HUNK: variants seen among roughly 807,000 people sequenced by gnomAD.
HUNK encodes the protein hormonally up-regulated Neu-associated kinase.
A neutral mutation model predicts 61.0 loss-of-function variants in HUNK; 21 were observed. The ratio of observed to expected loss-of-function variants is 0.34; its 90% CI spans 0.24 to 0.50. The LOEUF (loss-of-function observed/expected upper bound fraction) is 0.50, where lower values mean the gene tolerates loss of function less well. Among genes scored for constraint, HUNK ranks in the 20% least tolerant of loss-of-function variants. HUNK has a pLI of 0.98. For missense variants in HUNK, 772 were observed against 945.7 expected (o/e 0.82, Z 2.41); for synonymous variants, 371 against 386.1 (o/e 0.96, Z 0.46).
chr21:31,948,269 T>G (rs1484776795), intron 4 of HUNK, among the ~76,000 whole-genome samples: 1 of 152,252 alleles, frequency 6.6e-6, no homozygotes, highest in East Asian at 1.9e-4. Context: ...ATTCTCTGGC[T>G]AACCTGGCAT....
At chr21:31,907,998 A>T (rs1356599309) in intron 1 of HUNK, among the ~76,000 whole-genome samples, 3 of 152,160 alleles carry the variant, frequency 2.0e-5, no homozygotes, top group Non-Finnish European at 4.4e-5. Flanking sequence ...CTCAAAAGAA[A>T]AAAAAAATGG....
intron 2 of HUNK, among the ~76,000 whole-genome samples, chr21:31,926,075 C>T (rs146021209): frequency 0.01 from 1,573 of 152,274 alleles, 21 homozygotes; most frequent in African/African-American, 0.036. Flanking sequence ...TGTGCCACAA[C>T]GCCCGGCTAA....
intron 8 of HUNK, among the ~76,000 whole-genome samples, chr21:31,985,633 G>A (rs898761246): frequency 2.6e-5 from 4 of 152,220 alleles, no homozygotes; most frequent in African/African-American, 4.8e-5. Flanking sequence ...CAGGGGGCGG[G>A]GCAGCCAGAA....
rs1349105042 is a variant in HUNK, at chr21:31,999,062, C to T, written c.2023C>T (p.Arg675Cys). ...GGGCATCGGACAGATGTTAAGGAAGCGCCATCAGAGTCTGCAGCCATCTGC... is the reference window on the plus strand; with the variant it reads ...GGGCATCGGACAGATGTTAAGGAAGTGCCATCAGAGTCTGCAGCCATCTGC... Reference protein sequence around the residue: ...MMGIGQMLRKRHQSLQPSADR... With the variant: ...MMGIGQMLRKCHQSLQPSADR... The change falls in exon 11 of 11, where the codon CGC (arginine) becomes TGC (cysteine). Residue 675 changes from arginine to cysteine, a missense_variant. This residue lies in a region of HUNK where 413 missense variants were observed against 444.4 expected (regional missense o/e 0.93). Coordinates refer to ENST00000270112, the MANE Select transcript of HUNK (RefSeq NM_014586.2). 32 of 1,614,104 alleles carry T rather than the reference C, an allele frequency of 2.0e-5. No homozygotes were observed. The highest frequency in any genetic ancestry group is 3.3e-5 in the South Asian group (3 of 91,092).
chr21:31,898,272 A>T (rs1372801992), intron 1 of HUNK, among the ~76,000 whole-genome samples: 1 of 152,038 alleles, frequency 6.6e-6, no homozygotes, highest in Non-Finnish European at 1.5e-5. Context: ...GTATTTATTT[A>T]ATTTATTTTT....
At chr21:31,969,344 A>C (rs2052993935) in intron 6 of HUNK, among the ~76,000 whole-genome samples, 2 of 152,136 alleles carry the variant, frequency 1.3e-5, no homozygotes, top group Admixed American at 6.5e-5. Context: ...CTGCCTTAAA[A>C]TGTGGGAGGC....
chr21:31,891,052 C>G (rs2052384424), intron 1 of HUNK, among the ~76,000 whole-genome samples: 1 of 152,008 alleles, frequency 6.6e-6, no homozygotes, highest in African/African-American at 2.4e-5. Context: ...ACCCCCCAGC[C>G]CTGGCCCCCA....
intron 6 of HUNK, among the ~76,000 whole-genome samples, chr21:31,972,495 TA>T (rs1325979817): frequency 6.6e-6 from 1 of 152,156 alleles, no homozygotes; most frequent in Non-Finnish European, 1.5e-5. Flanking sequence ...ATACTGGACA[TA>T]AAAGGCAGAG....
chr21:31,874,522 C>T (rs574701808), intron 1 of HUNK, among the ~76,000 whole-genome samples: 230 of 152,104 alleles, frequency 1.5e-3, no homozygotes, highest in South Asian at 3.5e-3. Flanking sequence ...AGGGTTTTTG[C>T]CTCCGCCCTC....
intron 10 of HUNK, among the ~76,000 whole-genome samples, chr21:31,996,229 G>A (rs2053205034): frequency 6.6e-6 from 1 of 152,218 alleles, no homozygotes. Flanking sequence ...CAGAGGTTGG[G>A]AGGCACAGTA....
At chr21:31,983,158 C>T (rs1333924574) in intron 7 of HUNK, among the ~76,000 whole-genome samples, 1 of 152,172 alleles carries the variant, frequency 6.6e-6, no homozygotes, top group Admixed American at 6.5e-5. Context: ...TGCAGTGGTT[C>T]AATAAAATAA....
intron 1 of HUNK, 151 bp downstream of exon 1, chr21:31,874,086 G>A: frequency 7.5e-6 from 4 of 533,614 alleles, no homozygotes; most frequent in Non-Finnish European, 5.7e-6. Context: ...GTTAAAACGC[G>A]CGCTCAGCAT....
At chr21:31,995,202 C>T (rs1601414919) in intron 9 of HUNK, among the ~76,000 whole-genome samples, 1 of 145,412 alleles carries the variant, frequency 6.9e-6, no homozygotes, top group South Asian at 2.2e-4. Flanking sequence ...CACGTTCATA[C>T]ACACGAGTAC....
chr21:31,968,355 A>G lies in HUNK; in HGVS notation c.980A>G (p.Lys327Arg), dbSNP rs1474706542. 5 of 1,614,104 alleles carry G rather than the reference A, an allele frequency of 3.1e-6. No homozygotes were observed. In the African/African-American group the frequency reaches 6.7e-5, roughly 22 times the overall value. Residue 327 changes from lysine to arginine, a missense_variant, in exon 6 of 11, where the codon AAA (lysine) becomes AGA (arginine). Lys to Arg is a conservative substitution (Grantham distance 26, BLOSUM62 2). This residue lies in a region of HUNK where 359 missense variants were observed against 501.3 expected (regional missense o/e 0.72). Transcript: ENST00000270112. ...NRWLNENYTGKVPCNVTYPNR... is the reference protein window; with the variant it reads ...NRWLNENYTGRVPCNVTYPNR... ...TGGCTTAATGAGAATTACACGGGCA[A>G]AGTGCCCTGTAATGTCACCTATCCC...
intron 7 of HUNK, among the ~76,000 whole-genome samples, chr21:31,976,459 CTTTTTTTTTTTTTT>C (rs34950116): frequency 3.1e-5 from 2 of 63,626 alleles, no homozygotes; most frequent in South Asian, 8.5e-4. Context: ...TTTTTTGAGA[CTTTTTTTTTTTTTT>C]TTTTTTTTTT....
intron 1 of HUNK, among the ~76,000 whole-genome samples, chr21:31,880,548 C>T (rs2052298955): frequency 6.6e-6 from 1 of 152,172 alleles, no homozygotes; most frequent in African/African-American, 2.4e-5. Flanking sequence ...AGTGTTCCTC[C>T]CTCTGAGTGT....
chr21:31,961,412 C>A (rs2052927831), intron 5 of HUNK, among the ~76,000 whole-genome samples: 1 of 152,090 alleles, frequency 6.6e-6, no homozygotes, highest in Non-Finnish European at 1.5e-5. Context: ...GGACAAATGC[C>A]TAAGAGTGAA....
At chr21:31,939,854 C>G (rs1434522712) in intron 2 of HUNK, among the ~76,000 whole-genome samples, 1 of 151,898 alleles carries the variant, frequency 6.6e-6, no homozygotes, top group Non-Finnish European at 1.5e-5. Context: ...TTCCTCTCTC[C>G]CCACACCCTG....
intron 8 of HUNK, among the ~76,000 whole-genome samples, chr21:31,983,874 A>G (rs982549957): frequency 2.6e-5 from 4 of 152,172 alleles, no homozygotes; most frequent in Admixed American, 2.0e-4. Context: ...GACCCATTCC[A>G]TTGAATCTTG....
Sources: gnomAD v4.1 joint callset for allele counts (sites outside exome capture counted in the v4.1 genomes callset) on GRCh38, gnomAD v4.1.1 for gene constraint, gnomAD v4.1.1 regional missense constraint, MANE v1.5 for transcripts, NCBI Gene and HGNC (gene_info 2026-07-23, HGNC 2026-07-21) for gene names.